CFAP57: variants seen among roughly 807,000 people sequenced by gnomAD.
CFAP57 encodes cilia- and flagella-associated protein 57.
Under a neutral mutation model 146.8 loss-of-function variants are expected in CFAP57, and 116 were observed. The ratio of observed to expected loss-of-function variants is 0.79; its 90% CI spans 0.68 to 0.92. CFAP57 has a LOEUF of 0.92. CFAP57 is among the 40% of genes least tolerant of loss of function. CFAP57 has a pLI of 0.00. For synonymous variants in CFAP57, 518 were observed against 552.8 expected (o/e 0.94, Z 0.88); for missense variants, 1,377 against 1,527.2 (o/e 0.90, Z 1.64).
chr1:43,247,576 T>C lies in CFAP57; in HGVS notation c.3538+4217T>C, dbSNP rs190394870. Among the ~76,000 whole-genome samples the C allele has an allele frequency of 9.8e-5, 15 of 152,358 alleles. No individual in the cohort carries two copies. In the East Asian group the frequency reaches 2.9e-3, roughly 29 times the overall value. On this transcript the variant is annotated intron_variant, in intron 22 of 22. Coordinates refer to ENST00000372492, the MANE Select transcript of CFAP57 (RefSeq NM_001378189.1). Reference sequence around the variant, plus strand: ...TAAAAAAGAACTGCCAAACCGCCAATGCATTTGTTTAAAATATTTCTTATT... The same window carrying C: ...TAAAAAAGAACTGCCAAACCGCCAACGCATTTGTTTAAAATATTTCTTATT...
intron 6 of CFAP57, among the ~76,000 whole-genome samples, chr1:43,189,193 G>A (rs935451765): frequency 2.0e-5 from 3 of 152,178 alleles, no homozygotes; most frequent in Non-Finnish European, 4.4e-5. Context: ...TGCAAATGTA[G>A]TCTACTTTAT....
In CFAP57 at chr1:43,212,806, C is replaced by T. The variant is rs903618705; in HGVS notation, c.1930-2449C>T. Among the ~76,000 whole-genome samples the T allele has an allele frequency of 4.0e-5, 6 of 151,890 alleles. No homozygotes were observed. The South Asian group carries it at 6.2e-4, about 16-fold the overall frequency. ...AAAATTAGCCAGGCATGGTGGTGCA[C>T]GCCTGTAATCCCAGCTACTCGAGAG... On this transcript the variant is annotated intron_variant, in intron 11 of 22. Transcript: ENST00000372492.
chr1:43,203,556 G>C (rs958078787), intron 9 of CFAP57, among the ~76,000 whole-genome samples: 1 of 152,188 alleles, frequency 6.6e-6, no homozygotes, highest in African/African-American at 2.4e-5. Context: ...TGCCTCCTGG[G>C]TTCAAACGAT....
chr1:43,199,541 C>T (rs755888846), intron 9 of CFAP57, 38 bp downstream of exon 9: 17 of 1,593,932 alleles, frequency 1.1e-5, no homozygotes, highest in African/African-American at 4.0e-5. Flanking sequence ...ACAAGGGGCA[C>T]GGAGCCAAGT....
In CFAP57 at chr1:43,221,323, A is replaced by G. The variant is rs1645035939; in HGVS notation, c.2248-49A>G. ...TTGTAAAATCAGTTCTTGCCCTAGT[A>G]GTGCTTTCAGCAGATGTGTGTAAAT... On this transcript the variant is annotated intron_variant, in intron 13 of 22. Coordinates refer to ENST00000372492, the MANE Select transcript of CFAP57 (RefSeq NM_001378189.1). The G allele has an allele frequency of 2.2e-6, 3 of 1,373,502 alleles. No homozygotes were observed. In the South Asian group the frequency reaches 4.4e-5, roughly 20 times the overall value. The allele number at this position is 1,373,502 out of a possible 1,614,324, so 85.1% of individuals were successfully genotyped here.
At chr1:43,231,316 A>G (rs980300937) in intron 18 of CFAP57, among the ~76,000 whole-genome samples, 1 of 152,160 alleles carries the variant, frequency 6.6e-6, no homozygotes, top group African/African-American at 2.4e-5. Flanking sequence ...AGGGCCTGGG[A>G]TAGACTAGAG....
intron 6 of CFAP57, among the ~76,000 whole-genome samples, chr1:43,196,983 C>A (rs1373557801): frequency 6.6e-6 from 1 of 152,154 alleles, no homozygotes; most frequent in African/African-American, 2.4e-5. Context: ...GTTCCTACAG[C>A]AGAGGAAGGG....
intron 21 of CFAP57, among the ~76,000 whole-genome samples, chr1:43,236,785 T>A (rs1449220326): frequency 6.6e-6 from 1 of 151,618 alleles, no homozygotes; most frequent in Non-Finnish European, 1.5e-5. Context: ...GGTGGGCACC[T>A]GTAGTCCCAG....
rs1387997504 is a variant in CFAP57 at position 43,254,219 on chromosome 1, C to G, written c.*28C>G. 1 of 1,524,866 alleles carries G rather than the reference C, an allele frequency of 6.6e-7. No individual in the cohort carries two copies. Among genetic ancestry groups the G allele is most frequent in the Admixed American group, 2.0e-5 (1 of 49,738 alleles). The allele number at this position is 1,524,866 out of a possible 1,614,324, so 94.5% of individuals were successfully genotyped here. A position where few individuals can be genotyped will look rare whatever the true frequency, so the allele number is the denominator to read the frequency against. The stretch of plus-strand genomic sequence containing the variant: ...CCCTCTGGTGAGCCATCTCCAGCCA[C>G]AGCCAGAAGAAACACAGCATGTCTG... On this transcript the variant is annotated 3_prime_UTR_variant, in exon 23 of 23. Coordinates refer to ENST00000372492, the MANE Select transcript of CFAP57 (RefSeq NM_001378189.1).
At chr1:43,245,198 A>G (rs1240292177) in intron 22 of CFAP57, among the ~76,000 whole-genome samples, 1 of 152,130 alleles carries the variant, frequency 6.6e-6, no homozygotes, top group East Asian at 1.9e-4. Flanking sequence ...AGTCCCAGCT[A>G]TTCGGGAGGT....
intron 6 of CFAP57, among the ~76,000 whole-genome samples, chr1:43,190,032 C>T (rs1643398231): frequency 6.6e-6 from 1 of 152,158 alleles, no homozygotes; most frequent in Non-Finnish European, 1.5e-5. Context: ...TTGGAGGAGA[C>T]AAATATCCAA....
intron 2 of CFAP57, among the ~76,000 whole-genome samples, chr1:43,174,383 T>C (rs1322634539): frequency 6.6e-6 from 1 of 152,264 alleles, no homozygotes; most frequent in African/African-American, 2.4e-5. Context: ...TTATTATTAA[T>C]TCTAATGATT....
chr1:43,181,569 A>G lies in CFAP57; in HGVS notation c.193A>G (p.Ile65Val). The G allele has an allele frequency of 1.2e-6, 2 of 1,614,214 alleles. No individual in the cohort carries two copies. Among genetic ancestry groups the G allele is most frequent in the Non-Finnish European group, 1.7e-6 (2 of 1,180,032 alleles). ...EKSQGMLALS[I>V]SPNRRYLAIS... ...GAGTCAGGGCATGTTGGCCTTGTCC[A>G]TCAGTCCCAATCGGCGGTACCTCGC... Residue 65 changes from isoleucine (I) to valine (V), a missense_variant, in exon 3 of 23, where the codon ATC (isoleucine) becomes GTC (valine). Ile to Val is a conservative substitution (Grantham distance 29). Coordinates refer to ENST00000372492, the MANE Select transcript of CFAP57 (RefSeq NM_001378189.1).
chr1:43,245,541 C>G (rs1175005890), intron 22 of CFAP57, among the ~76,000 whole-genome samples: 1 of 152,122 alleles, frequency 6.6e-6, no homozygotes, highest in Non-Finnish European at 1.5e-5. Context: ...TGTGATTCAT[C>G]AACATACCCC....
chr1:43,230,873 T>G (rs779999186), intron 18 of CFAP57, among the ~76,000 whole-genome samples: 1 of 152,202 alleles, frequency 6.6e-6, no homozygotes, highest in Non-Finnish European at 1.5e-5. Flanking sequence ...AGAAACTACT[T>G]CTTAATCAGC....
intron 1 of CFAP57, 105 bp from the exon 2 acceptor site, chr1:43,172,630 A>C: frequency 1.3e-6 from 1 of 780,352 alleles, no homozygotes; most frequent in Non-Finnish European, 1.9e-6. Context: ...GAAAGGGGAG[A>C]GACAAGGGGA....
At chr1:43,208,365 G>A (rs1644445549) in intron 10 of CFAP57, among the ~76,000 whole-genome samples, 1 of 152,120 alleles carries the variant, frequency 6.6e-6, no homozygotes, top group Non-Finnish European at 1.5e-5. Context: ...GTTTATTGTG[G>A]CACTATTCAC....
chr1:43,214,809 G>A (rs1644771596), intron 11 of CFAP57, among the ~76,000 whole-genome samples: 1 of 152,070 alleles, frequency 6.6e-6, no homozygotes, highest in African/African-American at 2.4e-5. Flanking sequence ...TTTTATTTTA[G>A]CTGTTCTAAT....
At chr1:43,186,191 A>G (rs1449482873) in intron 5 of CFAP57, among the ~76,000 whole-genome samples, 1 of 152,112 alleles carries the variant, frequency 6.6e-6, no homozygotes, top group Non-Finnish European at 1.5e-5. Flanking sequence ...GCATTGAGCC[A>G]AGATCATGCC....
Sources: allele counts gnomAD v4.1 joint callset (sites outside exome capture counted in the v4.1 genomes callset), GRCh38; gene constraint gnomAD v4.1.1; transcripts MANE v1.5; gene names NCBI Gene and HGNC (gene_info 2026-07-23, HGNC 2026-07-21).